The following NEDD4L variants were observed in gnomAD, a reference collection of about 807,000 sequenced individuals.
NEDD4L encodes NEDD4 like E3 ubiquitin protein ligase, also known as E3 ubiquitin-protein ligase NEDD4-like.
Under a neutral mutation model 148.9 loss-of-function variants are expected in NEDD4L, and 54 were observed. That is an observed-to-expected ratio of 0.36 (90% confidence interval 0.29 to 0.45). NEDD4L has a LOEUF of 0.45. Among genes scored for constraint, NEDD4L ranks in the 20% least tolerant of loss-of-function variants. The pLI, the probability that NEDD4L is intolerant of heterozygous loss-of-function variation, is 1.00. For missense variants in NEDD4L, 856 were observed against 1,233.8 expected (o/e 0.69, Z 4.59); for synonymous variants, 433 against 440.7 (o/e 0.98, Z 0.22).
intron 14 of NEDD4L, 102 bp downstream of exon 14, chr18:58,341,271 G>C (rs905609549): frequency 3.8e-6 from 5 of 1,325,034 alleles, no homozygotes; most frequent in Admixed American, 2.7e-5. Context: ...TGAAAGACCC[G>C]TATTTGTAAA....
At chr18:58,227,960 C>T (rs2044570639) in intron 2 of NEDD4L, 5 of 452,840 alleles carry the variant, frequency 1.1e-5, no homozygotes, top group Non-Finnish European at 1.2e-5. Flanking sequence ...CAGTATTACA[C>T]CTTAAAATAA....
intron 1 of NEDD4L, among the ~76,000 whole-genome samples, chr18:58,142,269 C>T (rs568651376): frequency 2.0e-5 from 3 of 151,724 alleles, no homozygotes; most frequent in Non-Finnish European, 2.9e-5. Flanking sequence ...CGTACGGTCT[C>T]GATCTTTTGA....
intron 2 of NEDD4L, among the ~76,000 whole-genome samples, chr18:58,231,150 T>G (rs1370197893): frequency 6.8e-6 from 1 of 146,048 alleles, no homozygotes; most frequent in East Asian, 2.0e-4. Flanking sequence ...TCACAGGGGC[T>G]GAGGTGGGAG....
intron 2 of NEDD4L, among the ~76,000 whole-genome samples, chr18:58,174,730 G>A (rs1243669603): frequency 6.6e-6 from 1 of 152,126 alleles, no homozygotes; most frequent in Non-Finnish European, 1.5e-5. Context: ...GATTGAAATT[G>A]ATCCCTGGGT....
intron 2 of NEDD4L, among the ~76,000 whole-genome samples, chr18:58,223,784 C>T (rs1253918362): frequency 6.6e-6 from 1 of 152,170 alleles, no homozygotes; most frequent in Non-Finnish European, 1.5e-5. Flanking sequence ...TTTCAGAGGC[C>T]GTTGGCCTTC....
intron 1 of NEDD4L, among the ~76,000 whole-genome samples, chr18:58,099,815 G>A (rs2084644978): frequency 6.6e-6 from 1 of 152,184 alleles, no homozygotes; most frequent in South Asian, 2.1e-4. Flanking sequence ...CTGCTTTAGT[G>A]CCCAGACCTT....
intron 1 of NEDD4L, among the ~76,000 whole-genome samples, chr18:58,053,299 T>C (rs2081960623): frequency 6.6e-6 from 1 of 150,550 alleles, no homozygotes; most frequent in African/African-American, 2.4e-5. Context: ...TGGTCTTGCC[T>C]GTGTTAACAA....
At chr18:58,064,209 C>T (rs995463543) in intron 1 of NEDD4L, among the ~76,000 whole-genome samples, 11 of 151,964 alleles carry the variant, frequency 7.2e-5, no homozygotes, top group Non-Finnish European at 1.5e-4. Flanking sequence ...CGTGATCTGC[C>T]CGTCTCGGCT....
intron 1 of NEDD4L, among the ~76,000 whole-genome samples, chr18:58,138,173 T>C (rs949876166): frequency 1.6e-4 from 25 of 152,250 alleles, no homozygotes; most frequent in Non-Finnish European, 3.4e-4. Context: ...GGTGCTACTT[T>C]CTTCTAACCT....
intron 13 of NEDD4L, among the ~76,000 whole-genome samples, chr18:58,336,864 G>A (rs17808031): frequency 0.055 from 8,311 of 152,280 alleles, 347 homozygotes; most frequent in Non-Finnish European, 0.083. Context: ...ATTACCCACC[G>A]TGCACTTGTA....
rs1555709300 is a variant in NEDD4L at position 58,151,625 on chromosome 18, A to ATATGTGTGTGTGTGTGTGTGTGTG, written c.49-14162_49-14161insATGTGTGTGTGTGTGTGTGTGTGT. The stretch of plus-strand genomic sequence containing the variant: ...GAAGATGAGGTAGCTGTGCCTGGAT[A>ATATGTGTGTGTGTGTGTGTGTGTG]TGTGTGTGTGTGTGTGTGTGTGTGT... On this transcript the variant is annotated intron_variant, in intron 1 of 30. Coordinates refer to ENST00000400345, the MANE Select transcript of NEDD4L (RefSeq NM_001144967.3). Among the ~76,000 whole-genome samples the ATATGTGTGTGTGTGTGTGTGTGTG allele has an allele frequency of 9.2e-5, 13 of 140,980 alleles. 1 individual carries two copies. Among genetic ancestry groups the ATATGTGTGTGTGTGTGTGTGTGTG allele is most frequent in the African/African-American group, 3.5e-4 (13 of 37,360 alleles). The allele number at this position is 140,980 out of a possible 152,430, so 92.5% of individuals were successfully genotyped here. A position where few individuals can be genotyped will look rare whatever the true frequency, so the allele number is the denominator to read the frequency against.
chr18:58,212,947 C>T (rs9964853), intron 2 of NEDD4L, among the ~76,000 whole-genome samples: 8,153 of 120,450 alleles, frequency 0.068, 240 homozygotes, highest in African/African-American at 0.12. Context: ...ACACAGATAA[C>T]AAATGCAGAC....
At chr18:58,099,903 C>T (rs771692859) in intron 1 of NEDD4L, among the ~76,000 whole-genome samples, 2 of 152,180 alleles carry the variant, frequency 1.3e-5, no homozygotes, top group Admixed American at 6.5e-5. Flanking sequence ...TGTTCTGCTT[C>T]TCTTGCTTTA....
chr18:58,116,351 T>C (rs963115731), intron 1 of NEDD4L, among the ~76,000 whole-genome samples: 4 of 152,192 alleles, frequency 2.6e-5, no homozygotes, highest in African/African-American at 9.7e-5. Flanking sequence ...GGTATAGAGA[T>C]CCATGAATTT....
chr18:58,168,487 G>T (rs2037143350), intron 2 of NEDD4L, among the ~76,000 whole-genome samples: 1 of 152,170 alleles, frequency 6.6e-6, no homozygotes, highest in African/African-American at 2.4e-5. Context: ...TGGCATGTGG[G>T]GAAGAACCGC....
At chr18:58,237,646 G>A (rs1242230222) in intron 2 of NEDD4L, among the ~76,000 whole-genome samples, 1 of 152,060 alleles carries the variant, frequency 6.6e-6, no homozygotes, top group Non-Finnish European at 1.5e-5. Flanking sequence ...ATTTTTATTA[G>A]TCACCACATA....
intron 1 of NEDD4L, among the ~76,000 whole-genome samples, chr18:58,084,671 T>TTGTGTGTGTGTGTGTGTGTGTG (rs55916532): frequency 1.5e-5 from 2 of 133,736 alleles, no homozygotes; most frequent in East Asian, 2.2e-4. Flanking sequence ...TGTGGGGTTT[T>TTGTGTGTGTGTGTGTGTGTGTG]TGTGTGTGTG....
chr18:58,081,568 A>G (rs2083437198), intron 1 of NEDD4L, among the ~76,000 whole-genome samples: 1 of 152,120 alleles, frequency 6.6e-6, no homozygotes. Context: ...GCACAAAAGG[A>G]CGTTTGAACA....
At chr18:58,266,220 G>A (rs1003812252) in intron 5 of NEDD4L, among the ~76,000 whole-genome samples, 1 of 151,964 alleles carries the variant, frequency 6.6e-6, no homozygotes, top group Non-Finnish European at 1.5e-5. Context: ...TTAAATTCAG[G>A]ATAGATAATT....
Sources: gnomAD v4.1 joint callset for allele counts (sites outside exome capture counted in the v4.1 genomes callset) on GRCh38, gnomAD v4.1.1 for gene constraint, MANE v1.5 for transcripts, NCBI Gene and HGNC (gene_info 2026-07-23, HGNC 2026-07-21) for gene names.